The following FLT4 variants were observed in gnomAD, a reference collection of about 807,000 sequenced individuals.
The protein encoded by FLT4 is vascular endothelial growth factor receptor 3.
In FLT4, 30 loss-of-function variants were observed where a neutral mutation model predicts 163.2. That is an observed-to-expected ratio of 0.18 (90% CI 0.14 to 0.25). FLT4 has a LOEUF of 0.25. FLT4 is among the 10% of genes least tolerant of loss of function. The pLI is 1.00. For synonymous variants in FLT4, 884 were observed against 789.5 expected (o/e 1.12, Z -2.01); for missense variants, 1,510 against 1,863.8 (o/e 0.81, Z 3.50).
intron 1 of FLT4, among the ~76,000 whole-genome samples, chr5:180,637,480 C>T (rs1291012619): frequency 6.6e-6 from 1 of 152,214 alleles, no homozygotes; most frequent in Non-Finnish European, 1.5e-5. Flanking sequence ...CCCCCCACCA[C>T]GGATTTCTCT....
chr5:180,614,944 C>T (rs888542083), intron 23 of FLT4, among the ~76,000 whole-genome samples: 1 of 152,170 alleles, frequency 6.6e-6, no homozygotes, highest in African/African-American at 2.4e-5. Flanking sequence ...GCTGCCCTGC[C>T]TGAGCTCCAT....
At chr5:180,629,140 G>A (rs1469436674) in intron 7 of FLT4, 119 bp downstream of exon 7, 3 of 1,448,320 alleles carry the variant, frequency 2.1e-6, no homozygotes, top group Non-Finnish European at 2.9e-6. Flanking sequence ...CAGGAGCTGG[G>A]CAGCTCCTCT....
Position 180,602,802 on chromosome 5 carries a change from T to C in FLT4, c.*390A>G. ...TCTCGTATGCCTTAACCTCCAACACTGTGTGACTCCCAGACCCACAGATTC... is the reference window on the plus strand; with the variant it reads ...TCTCGTATGCCTTAACCTCCAACACCGTGTGACTCCCAGACCCACAGATTC... On this transcript the variant is annotated 3_prime_UTR_variant, in exon 30 of 30. Coordinates refer to ENST00000261937, the MANE Select transcript of FLT4 (RefSeq NM_182925.5). The C allele has an allele frequency of 5.5e-6, 3 of 543,174 alleles. No individual in the cohort carries two copies. Among genetic ancestry groups the C allele is most frequent in the South Asian group, 5.9e-5 (2 of 33,780 alleles). 33.6% of individuals were successfully genotyped at this position (543,174 alleles called of 1,614,324 possible). A position where few individuals can be genotyped will look rare whatever the true frequency, so the allele number is the denominator to read the frequency against.
intron 1 of FLT4, among the ~76,000 whole-genome samples, chr5:180,639,676 C>T (rs1253243170): frequency 6.6e-6 from 1 of 152,166 alleles, no homozygotes; most frequent in Non-Finnish European, 1.5e-5. Context: ...GGAAAAGATG[C>T]TTCCTGTTTT....
At chr5:180,619,938 C>T (rs1762995159) in intron 17 of FLT4, among the ~76,000 whole-genome samples, 169 bp from the exon 18 acceptor site, 2 of 152,302 alleles carry the variant, frequency 1.3e-5, no homozygotes, top group South Asian at 4.1e-4. Context: ...GGCCGCGCAT[C>T]CTCCCGGGTA....
In FLT4 at chr5:180,626,777, C is replaced by T. The variant is rs77738372; in HGVS notation, c.1104-512G>A. On this transcript the variant is annotated intron_variant, in intron 8 of 29. Transcript: ENST00000261937. The stretch of plus-strand genomic sequence containing the variant: ...GCACAGTCTAGCTCCTTGACATGTG[C>T]GTGGCCCCTGCAGACATGTGGGCTT... Among the ~76,000 whole-genome samples, 476 of 152,354 alleles carry T rather than the reference C, an allele frequency of 3.1e-3. 5 individuals carry two copies. The highest frequency in any genetic ancestry group is 0.029 in the East Asian group (151 of 5,168).
At chr5:180,619,918 G>T in intron 17 of FLT4, 149 bp from the exon 18 acceptor site, 1 of 689,840 alleles carries the variant, frequency 1.4e-6, no homozygotes, top group Non-Finnish European at 2.5e-6. Context: ...ACAAGGAGAG[G>T]TGGACAGGAG....
Position 180,629,414 on chromosome 5 carries a change from T to C in FLT4, c.830A>G (p.Lys277Arg). The C allele has an allele frequency of 1.9e-6, 3 of 1,611,218 alleles. No individual in the cohort carries two copies. Among genetic ancestry groups the C allele is most frequent in the Non-Finnish European group, 2.5e-6 (3 of 1,179,952 alleles). ...DYPGKQAERGKWVPERRSQQT... is the reference protein window; with the variant it reads ...DYPGKQAERGRWVPERRSQQT... ...CTGGGAGCGTCGCTCGGGCACCCACTTACCCCGCTCTGCCTGCCCGCACCC... is the reference window on the plus strand; with the variant it reads ...CTGGGAGCGTCGCTCGGGCACCCACCTACCCCGCTCTGCCTGCCCGCACCC... The change falls in exon 7 of 30, where the codon AAG (lysine) becomes AGG (arginine). Residue 277 changes from lysine (K) to arginine (R), a missense_variant. Physicochemically the swap from Lys to Arg is conservative, Grantham distance 26. Around this residue, in one of 5 missense-constraint regions of FLT4, gnomAD observed 163 missense variants for 281.1 expected, o/e 0.58. Coordinates refer to ENST00000261937, the MANE Select transcript of FLT4 (RefSeq NM_182925.5).
rs1763024174 is a variant in FLT4 at position 180,620,273 on chromosome 5, G to A, written c.2442C>T (p.Ser814=). Residue 814 remains serine (S), a synonymous_variant, in exon 17 of 30, where the codon TCC becomes TCT. Coordinates refer to ENST00000261937, the MANE Select transcript of FLT4 (RefSeq NM_182925.5). This position sits in a 1 kb window ranked among gnomAD's most constrained non-coding sequence, Gnocchi z 4.4. ...GCACCTCCCCGGGGTCCATGATGAT[G>A]GACAGGTAGCCCGTCTTGATGTCTG... ...AHADIKTGYL[S]IIMDPGEVPL... 2 of 1,612,156 alleles carry A rather than the reference G, an allele frequency of 1.2e-6. No individual in the cohort carries two copies. Among genetic ancestry groups the A allele is most frequent in the East Asian group, 2.2e-5 (1 of 44,874 alleles).
In FLT4 at chr5:180,603,138, G is replaced by A; in HGVS notation, c.*54C>T. The A allele has an allele frequency of 6.3e-7, 1 of 1,576,886 alleles. No individual in the cohort carries two copies. Among genetic ancestry groups the A allele is most frequent in the African/African-American group, 1.3e-5 (1 of 74,410 alleles). On this transcript the variant is annotated 3_prime_UTR_variant, in exon 30 of 30. Coordinates refer to ENST00000261937, the MANE Select transcript of FLT4 (RefSeq NM_182925.5). ...TCCCAGCCTGGGCCTCCAGCCCTCT[G>A]CCCGCCCTGCCGGGCCTGAACCCCC...
At position 180,603,106 on chromosome 5, in the gene FLT4, G is replaced by C; in HGVS notation, c.*86C>G. On this transcript the variant is annotated 3_prime_UTR_variant, in exon 30 of 30. Transcript: ENST00000261937. ...CTCCTGTGCCACCAGAGTTCAACCA[G>C]ATGAGTTCCCAGCCTGGGCCTCCAG... The C allele has an allele frequency of 8.2e-6, 11 of 1,334,004 alleles. No homozygotes were observed. The South Asian group carries it at 1.3e-4, about 16-fold the overall frequency. 82.6% of individuals were successfully genotyped at this position (1,334,004 alleles called of 1,614,324 possible).
intron 23 of FLT4, 33 bp downstream of exon 23, chr5:180,616,334 C>T (rs749404420): frequency 2.2e-5 from 35 of 1,613,492 alleles, no homozygotes; most frequent in Non-Finnish European, 3.0e-5. Context: ...CTGTTCCGCC[C>T]CACGTTCCCT....
chr5:180,611,266 G>A, intron 27 of FLT4, 65 bp downstream of exon 27: 3 of 1,578,850 alleles, frequency 1.9e-6, no homozygotes, highest in Non-Finnish European at 2.6e-6. Flanking sequence ...GACGCAGAGG[G>A]ATAAAATGCA....
chr5:180,608,933 A>C (rs763971809), intron 29 of FLT4, 35 bp downstream of exon 29: 7 of 1,551,394 alleles, frequency 4.5e-6, no homozygotes, highest in Non-Finnish European at 5.3e-6. Flanking sequence ...GGCAACATCG[A>C]TACCTGCAGT....
chr5:180,628,389 T>C (rs1244685937), intron 8 of FLT4, among the ~76,000 whole-genome samples: 1 of 152,194 alleles, frequency 6.6e-6, no homozygotes, highest in Non-Finnish European at 1.5e-5. Flanking sequence ...TCCAGCAGCT[T>C]GTCGGCCTCC....
chr5:180,649,637 G>A, upstream of FLT4: 1 of 575,562 alleles, frequency 1.7e-6, no homozygotes, highest in Non-Finnish European at 2.3e-6. Context: ...GGCGGGGCGG[G>A]GCGGGGCGGG....
intron 26 of FLT4, chr5:180,611,706 G>A (rs1199673340): frequency 2.0e-5 from 12 of 600,452 alleles, no homozygotes; most frequent in Admixed American, 8.4e-5. Context: ...CAGACCATGC[G>A]GGCACGTGAG....
chr5:180,620,789 TGGTGGCCACGACTTGCCCAA>T lies in FLT4; in HGVS notation c.2299+67_2300-75del, dbSNP rs1373109680. ...GTGCACCTGCAGGCAGCACCCCTTC[TGGTGGCCACGACTTGCCCAA>T]GGTGGCCACAAGAAAGCGTTAACTG... On this transcript the variant is annotated intron_variant, in intron 15 of 29. Coordinates refer to ENST00000261937, the MANE Select transcript of FLT4 (RefSeq NM_182925.5). This position sits in a 1 kb window ranked among gnomAD's most constrained non-coding sequence, Gnocchi z 4.4. The T allele has an allele frequency of 6.2e-7, 1 of 1,602,376 alleles. No individual in the cohort carries two copies.
At chr5:180,615,146 G>A (rs1442465792) in intron 23 of FLT4, among the ~76,000 whole-genome samples, 1 of 148,320 alleles carries the variant, frequency 6.7e-6, no homozygotes, top group African/African-American at 2.5e-5. Context: ...GAGCACTGCG[G>A]CCCCGCTGGT....
Sources: gnomAD v4.1 joint callset for allele counts (sites outside exome capture counted in the v4.1 genomes callset) on GRCh38, gnomAD v4.1.1 for gene constraint, gnomAD v4.1.1 regional missense constraint, Gnocchi (gnomAD v3.1) non-coding constraint, MANE v1.5 for transcripts, NCBI Gene and HGNC (gene_info 2026-07-23, HGNC 2026-07-21) for gene names.